The following CD96 variants were observed in gnomAD, a reference collection of about 807,000 sequenced individuals.
CD96 encodes CD96 molecule.
A neutral mutation model predicts 71.3 loss-of-function variants in CD96; 70 were observed. The ratio of observed to expected loss-of-function variants is 0.98; its 90% CI spans 0.81 to 1.20. CD96 has a LOEUF of 1.20. CD96 is among the 50% of genes most tolerant of loss of function. The pLI is 0.00. For synonymous variants in CD96, 248 were observed against 233.0 expected, an observed-to-expected ratio of 1.06 and a Z score of -0.59; for missense variants, 742 against 677.5, an observed-to-expected ratio of 1.10 and a Z score of -1.06.
intron 8 of CD96, among the ~76,000 whole-genome samples, chr3:111,617,763 G>C (rs980815648): frequency 2.0e-5 from 3 of 152,180 alleles, no homozygotes; most frequent in African/African-American, 7.2e-5. Flanking sequence ...CTACTGAATG[G>C]TGGGACTGAA....
At chr3:111,579,953 A>G (rs1936393107) in intron 4 of CD96, among the ~76,000 whole-genome samples, 1 of 152,238 alleles carries the variant, frequency 6.6e-6, no homozygotes, top group South Asian at 2.1e-4. Flanking sequence ...TTCTCAGAAT[A>G]CTGGAAATCT....
At chr3:111,645,303 A>T (rs1372619359) in intron 12 of CD96, among the ~76,000 whole-genome samples, 1 of 152,148 alleles carries the variant, frequency 6.6e-6, no homozygotes, top group Non-Finnish European at 1.5e-5. Flanking sequence ...TCTCACTGAT[A>T]TGTGGGAAGC....
At position 111,545,269 on chromosome 3, in the gene CD96, T is replaced by G. The variant is rs1934332216; in HGVS notation, c.285T>G (p.Pro95=). The G allele has an allele frequency of 1.2e-6, 2 of 1,614,092 alleles. No individual in the cohort carries two copies. The highest frequency in any genetic ancestry group is 1.7e-6 in the Non-Finnish European group (2 of 1,179,940). The change falls in exon 2 of 14, where the codon CCT becomes CCG. Residue 95 remains proline, a synonymous_variant. Coordinates refer to ENST00000352690, the MANE Select transcript of CD96 (RefSeq NM_005816.5). ...CESLVTFTET[P]ENGSKWTLHL... ...CACTTGTGACTTTCACAGAAACTCC[T>G]GAGAATGGGTCAAAATGGACTCTGC...
chr3:111,613,873 T>A (rs1234914160), intron 8 of CD96, among the ~76,000 whole-genome samples: 2 of 152,256 alleles, frequency 1.3e-5, no homozygotes, highest in East Asian at 3.8e-4. Context: ...AGCTTGAAAC[T>A]TACAAATAAC....
intron 7 of CD96, among the ~76,000 whole-genome samples, chr3:111,603,867 C>T (rs956768828): frequency 1.3e-5 from 2 of 152,182 alleles, no homozygotes; most frequent in Non-Finnish European, 1.5e-5. Context: ...CAGACAAATA[C>T]TTCCTGTTTC....
intron 5 of CD96, chr3:111,594,051 C>A (rs1937133388): frequency 6.2e-7 from 1 of 1,614,012 alleles, no homozygotes; most frequent in Admixed American, 1.7e-5. Flanking sequence ...AACCGGGTGC[C>A]CTTGTTGTGG....
chr3:111,648,724 A>T (rs1479616672), intron 13 of CD96, among the ~76,000 whole-genome samples: 1 of 151,754 alleles, frequency 6.6e-6, no homozygotes, highest in Non-Finnish European at 1.5e-5. Context: ...TGGAGATGAG[A>T]ATCAATCTCT....
chr3:111,555,397 C>T (rs1934943083), intron 2 of CD96, among the ~76,000 whole-genome samples: 1 of 152,386 alleles, frequency 6.6e-6, no homozygotes, highest in Admixed American at 6.5e-5. Flanking sequence ...TTTAGTATTT[C>T]GTGTAAGACA....
At chr3:111,621,451 C>T (rs563392981) in intron 8 of CD96, among the ~76,000 whole-genome samples, 3 of 152,092 alleles carry the variant, frequency 2.0e-5, no homozygotes, top group Admixed American at 2.0e-4. Flanking sequence ...TTACTTATAC[C>T]TAATTTATTT....
At chr3:111,593,863 ACT>A in intron 5 of CD96, 6 of 1,613,368 alleles carry the variant, frequency 3.7e-6, no homozygotes, top group Non-Finnish European at 5.1e-6. Context: ...GACCATGGCC[ACT>A]CTTCTCCAGC....
chr3:111,639,712 C>A (rs1011333710), intron 12 of CD96, among the ~76,000 whole-genome samples: 1 of 152,318 alleles, frequency 6.6e-6, no homozygotes, highest in South Asian at 2.1e-4. Context: ...AAGGTAAGGA[C>A]CCTCACAGAG....
chr3:111,619,737 T>G (rs1938428409), intron 8 of CD96, among the ~76,000 whole-genome samples: 1 of 152,244 alleles, frequency 6.6e-6, no homozygotes, highest in Admixed American at 6.5e-5. Context: ...CAAATAAAAT[T>G]TTTTAATTCT....
intron 8 of CD96, among the ~76,000 whole-genome samples, chr3:111,622,636 AT>A (rs1938569712): frequency 1.3e-5 from 2 of 152,244 alleles, no homozygotes; most frequent in Admixed American, 1.3e-4. Flanking sequence ...GCTGGCTGCC[AT>A]TCACTACCAA....
intron 5 of CD96, chr3:111,594,346 G>T (rs576117528): frequency 3.3e-5 from 31 of 951,128 alleles, no homozygotes; most frequent in Non-Finnish European, 4.6e-5. Flanking sequence ...GCCACACCTG[G>T]GTGGTGTGAG....
intron 2 of CD96, among the ~76,000 whole-genome samples, chr3:111,553,126 G>T: frequency 1.4e-5 from 2 of 146,078 alleles, no homozygotes; most frequent in African/African-American, 2.5e-5. Context: ...AAAAAAATTA[G>T]TATTTAATAT....
At chr3:111,624,522 A>T (rs572082103) in intron 10 of CD96, 118 bp downstream of exon 10, 1 of 734,816 alleles carries the variant, frequency 1.4e-6, no homozygotes, top group Non-Finnish European at 2.5e-6. Flanking sequence ...TTCACAAAGC[A>T]TCTATCATGT....
intron 5 of CD96, 32 bp downstream of exon 5, chr3:111,585,410 A>G: frequency 5.8e-6 from 8 of 1,385,984 alleles, no homozygotes; most frequent in Non-Finnish European, 7.2e-6. Context: ...GAAAATCTAC[A>G]GTATTACATG....
chr3:111,628,094 A>G (rs1411217419), intron 10 of CD96, among the ~76,000 whole-genome samples: 1 of 152,232 alleles, frequency 6.6e-6, no homozygotes, highest in Non-Finnish European at 1.5e-5. Flanking sequence ...GAAAAAGAAA[A>G]AAAACAACAA....
Position 111,623,808 on chromosome 3 carries a change from A to G in CD96, c.1235A>G (p.Asn412Ser). ...GTAGATGTGAGTGCCTTGAGGCCAA[A>G]CACCACTCCTCAACGTGAGTTCAGC... The part of the protein sequence containing the change: ...TLVDVSALRP[N>S]TTPQPSNSSM... The change falls in exon 9 of 14, where the codon AAC becomes AGC. Residue 412 changes from asparagine to serine, a missense_variant. By Grantham distance (46) the Asn-to-Ser change is conservative. Transcript: ENST00000352690. 1 of 1,609,762 alleles carries G rather than the reference A, an allele frequency of 6.2e-7. No homozygotes were observed. The highest frequency in any genetic ancestry group is 8.5e-7 in the Non-Finnish European group (1 of 1,176,000).
Sources: gnomAD v4.1 joint callset for allele counts (sites outside exome capture counted in the v4.1 genomes callset) on GRCh38, gnomAD v4.1.1 for gene constraint, MANE v1.5 for transcripts, NCBI Gene and HGNC (gene_info 2026-07-23, HGNC 2026-07-21) for gene names.